Variants in HECW1 observed in about 807,000 individuals in gnomAD.
HECW1 encodes the protein HECT, C2 and WW domain containing E3 ubiquitin protein ligase 1.
A neutral mutation model predicts 182.3 loss-of-function variants in HECW1; 61 were observed. The observed-to-expected ratio is 0.33, with a 90% CI of 0.27 to 0.41. The LOEUF (loss-of-function observed/expected upper bound fraction) is 0.41, where lower values mean the gene tolerates loss of function less well. HECW1 is among the 10% of genes least tolerant of loss of function. The pLI, the probability that HECW1 is intolerant of heterozygous loss-of-function variation, is 1.00. For missense variants in HECW1, 1,739 were observed against 2,108.9 expected, an observed-to-expected ratio of 0.82 and a Z score of 3.44; for synonymous variants, 859 against 832.6, an observed-to-expected ratio of 1.03 and a Z score of -0.55.
intron 3 of HECW1, among the ~76,000 whole-genome samples, chr7:43,264,755 AATGGCGTGAACCCAGGAGGCGGAG>A: frequency 6.6e-6 from 1 of 151,558 alleles, no homozygotes; most frequent in African/African-American, 2.4e-5. Context: ...GAGGCAGGAG[AATGGCGTGAACCCAGGAGGCGGAG>A]CTTGCAGTGA....
intron 24 of HECW1, among the ~76,000 whole-genome samples, chr7:43,540,647 T>G (rs994954951): frequency 6.6e-6 from 1 of 152,188 alleles, no homozygotes; most frequent in Non-Finnish European, 1.5e-5. Context: ...CTTACCATAT[T>G]GTGATTCTAT....
intron 24 of HECW1, among the ~76,000 whole-genome samples, chr7:43,521,032 T>C (rs149516388): frequency 1.2e-3 from 183 of 152,324 alleles, no homozygotes; most frequent in African/African-American, 4.0e-3. Context: ...TCATGCCTGC[T>C]CCAACTCTCA....
At chr7:43,360,174 C>T (rs1173049546) in intron 5 of HECW1, among the ~76,000 whole-genome samples, 1 of 151,242 alleles carries the variant, frequency 6.6e-6, no homozygotes, top group Non-Finnish European at 1.5e-5. Flanking sequence ...GTGTGATCCC[C>T]CTAAACTCTT....
chr7:43,392,655 G>A lies in HECW1; in HGVS notation c.556-4159G>A, dbSNP rs531521939. Among the ~76,000 whole-genome samples the A allele has an allele frequency of 7.9e-5, 12 of 152,364 alleles. No homozygotes were observed. In the South Asian group the frequency reaches 1.9e-3, roughly 24 times the overall value. ...GAAGCCCTGATGTCTTGGGAGGCTG[G>A]AAGACCTGGGATATAGGTCAGCACA... On this transcript the variant is annotated intron_variant, in intron 6 of 29. Coordinates refer to ENST00000395891, the MANE Select transcript of HECW1 (RefSeq NM_015052.5).
intron 2 of HECW1, among the ~76,000 whole-genome samples, chr7:43,219,409 C>T (rs1796752979): frequency 6.6e-6 from 1 of 152,062 alleles, no homozygotes; most frequent in African/African-American, 2.4e-5. Context: ...TCTACTGTAA[C>T]AGGACAAGCA....
At chr7:43,357,339 G>T (rs1815283325) in intron 5 of HECW1, among the ~76,000 whole-genome samples, 1 of 152,162 alleles carries the variant, frequency 6.6e-6, no homozygotes, top group Non-Finnish European at 1.5e-5. Context: ...CCCATTAATA[G>T]ATGAGTGGAT....
At position 43,469,071 on chromosome 7, in the gene HECW1, G is replaced by A. The variant is rs562449289; in HGVS notation, c.3065G>A (p.Arg1022Gln). 4.8e-5 allele frequency: 78 copies of A among 1,614,096 alleles called. No individual in the cohort carries two copies. Among genetic ancestry groups the A allele is most frequent in the Admixed American group, 2.2e-4 (13 of 60,030 alleles). Residue 1022 changes from arginine to glutamine, a missense_variant, in exon 16 of 30, where the codon CGG (arginine) becomes CAG (glutamine). This residue lies in a region of HECW1 where 971 missense variants were observed against 1,029.1 expected (regional missense o/e 0.94). Transcript: ENST00000395891. Reference protein sequence around the residue: ...MFADTRLELPRGWEIKTDQQG... With the variant: ...MFADTRLELPQGWEIKTDQQG... The stretch of plus-strand genomic sequence containing the variant: ...GCAGACACTCGGCTGGAACTGCCCC[G>A]GGGCTGGGAGATCAAAACGGACCAG...
chr7:43,294,061 A>T (rs556600144), intron 3 of HECW1, among the ~76,000 whole-genome samples: 1 of 152,330 alleles, frequency 6.6e-6, no homozygotes, highest in Middle Eastern at 3.4e-3. Flanking sequence ...TCCTTGGAGA[A>T]ATTGTCTTCC....
At position 43,563,335 on chromosome 7, in the gene HECW1, A is replaced by C; in HGVS notation, c.*1409A>C. On this transcript the variant is annotated 3_prime_UTR_variant, in exon 30 of 30. Coordinates refer to ENST00000395891, the MANE Select transcript of HECW1 (RefSeq NM_015052.5). The stretch of plus-strand genomic sequence containing the variant: ...TACATTTGAAATAAACCCAACCATA[A>C]TGGTCATTTGCTATTTTTCTAACGT... 2 of 209,012 alleles carry C rather than the reference A, an allele frequency of 9.6e-6. No individual in the cohort carries two copies. Among genetic ancestry groups the C allele is most frequent in the Non-Finnish European group, 9.7e-6 (1 of 102,778 alleles). The allele number at this position is 209,012 out of a possible 1,614,324, so 12.9% of individuals were successfully genotyped here.
chr7:43,351,672 TTTC>T (rs1482211956), intron 5 of HECW1, among the ~76,000 whole-genome samples: 6 of 148,438 alleles, frequency 4.0e-5, no homozygotes, highest in Middle Eastern at 3.2e-3. Flanking sequence ...GTTTTTTTTC[TTTC>T]TTCTTTTTTT....
chr7:43,359,006 A>G (rs972115004), intron 5 of HECW1, among the ~76,000 whole-genome samples: 4 of 151,820 alleles, frequency 2.6e-5, no homozygotes, highest in African/African-American at 9.7e-5. Flanking sequence ...TTGTATTTTT[A>G]GTAGAGATGA....
At chr7:43,214,234 C>T (rs2152697391) in intron 2 of HECW1, among the ~76,000 whole-genome samples, 1 of 151,146 alleles carries the variant, frequency 6.6e-6, no homozygotes, top group East Asian at 1.9e-4. Context: ...CATGGATGTA[C>T]ATACATGTAA....
chr7:43,495,279 C>CA (rs147073648), intron 19 of HECW1, among the ~76,000 whole-genome samples: 3,640 of 152,124 alleles, frequency 0.024, 67 homozygotes, highest in South Asian at 0.1. Context: ...CATTCCCCAA[C>CA]AGGCCCCGGT....
intron 17 of HECW1, among the ~76,000 whole-genome samples, chr7:43,482,709 C>A (rs2078482232): frequency 6.6e-6 from 1 of 152,078 alleles, no homozygotes; most frequent in Non-Finnish European, 1.5e-5. Context: ...AGTTTGCAAC[C>A]AGTCTGGGCA....
intron 2 of HECW1, among the ~76,000 whole-genome samples, chr7:43,198,506 A>C (rs969809142): frequency 3.3e-5 from 5 of 150,092 alleles, no homozygotes; most frequent in African/African-American, 1.2e-4. Context: ...CTCAAACACC[A>C]TAGTCACACA....
chr7:43,262,039 G>T (rs1266231336), intron 3 of HECW1, among the ~76,000 whole-genome samples: 1 of 151,932 alleles, frequency 6.6e-6, no homozygotes, highest in East Asian at 1.9e-4. Flanking sequence ...TGGACAGTAT[G>T]GTGAAACCCC....
At chr7:43,560,374 T>C (rs2082170984) in intron 29 of HECW1, among the ~76,000 whole-genome samples, 1 of 152,234 alleles carries the variant, frequency 6.6e-6, no homozygotes, top group South Asian at 2.1e-4. Flanking sequence ...CGTATGTTTC[T>C]TCCCAGTTAT....
intron 6 of HECW1, among the ~76,000 whole-genome samples, chr7:43,395,972 C>G (rs2152837477): frequency 6.6e-6 from 1 of 152,252 alleles, no homozygotes; most frequent in Middle Eastern, 3.4e-3. Flanking sequence ...TTTTCTCTTC[C>G]TAGTACAGAT....
intron 16 of HECW1, 129 bp downstream of exon 16, chr7:43,469,234 T>A: frequency 2.1e-6 from 2 of 939,858 alleles, no homozygotes; most frequent in Non-Finnish European, 3.2e-6. Flanking sequence ...CCGCCAGCAG[T>A]AAAGGGGCTG....
Sources: gnomAD v4.1 joint callset for allele counts (sites outside exome capture counted in the v4.1 genomes callset) on GRCh38, gnomAD v4.1.1 for gene constraint, gnomAD v4.1.1 regional missense constraint, MANE v1.5 for transcripts, NCBI Gene and HGNC (gene_info 2026-07-23, HGNC 2026-07-21) for gene names.